FBXO11: variants seen among roughly 807,000 people sequenced by gnomAD.
FBXO11 encodes F-box protein 11.
FBXO11 carries 13 observed loss-of-function variants against 117.0 expected under a neutral mutation model. The observed-to-expected ratio is 0.11, with a 90% confidence interval of 0.07 to 0.18. The LOEUF (loss-of-function observed/expected upper bound fraction) is 0.18. Ranked by LOEUF, FBXO11 falls within the 10% of genes least tolerant of loss-of-function variation. FBXO11 has a pLI of 1.00. For synonymous variants in FBXO11, 490 were observed against 380.5 expected (o/e 1.29, Z -3.35); for missense variants, 767 against 1,164.4 (o/e 0.66, Z 4.97).
At chr2:47,862,136 G>A (rs1378920971) in intron 1 of FBXO11, among the ~76,000 whole-genome samples, 1 of 152,038 alleles carries the variant, frequency 6.6e-6, no homozygotes, top group Non-Finnish European at 1.5e-5. Context: ...GGCCAGGCTG[G>A]TCTCAAACGC....
chr2:47,879,576 G>T (rs1339280998), intron 1 of FBXO11, among the ~76,000 whole-genome samples: 1 of 152,092 alleles, frequency 6.6e-6, no homozygotes, highest in Non-Finnish European at 1.5e-5. Flanking sequence ...TCTTTGCTCG[G>T]TTTTTATGGG....
At chr2:47,903,366 G>C (rs1032785029) in intron 1 of FBXO11, among the ~76,000 whole-genome samples, 17 of 152,130 alleles carry the variant, frequency 1.1e-4, no homozygotes, top group African/African-American at 3.6e-4. Context: ...CAATTCTACA[G>C]TAAATTTCAT....
intron 1 of FBXO11, among the ~76,000 whole-genome samples, chr2:47,854,798 G>T (rs1439835776): frequency 6.6e-6 from 1 of 151,950 alleles, no homozygotes; most frequent in African/African-American, 2.4e-5. Context: ...GAGAACCATG[G>T]GAGTCAAAGA....
intron 4 of FBXO11, 116 bp downstream of exon 4, chr2:47,838,743 A>G: frequency 1.2e-6 from 1 of 862,306 alleles, no homozygotes; most frequent in Admixed American, 2.8e-5. Flanking sequence ...AAGCATTTTA[A>G]TTTTGTTCCA....
chr2:47,809,355 C>T (rs1268724996), intron 20 of FBXO11, 89 bp from the exon 21 acceptor site: 4 of 853,912 alleles, frequency 4.7e-6, no homozygotes, highest in Admixed American at 2.9e-5. Context: ...ACAGAAGAGC[C>T]ACTATTTTTA....
rs771193906 is a variant in FBXO11 at position 47,832,681 on chromosome 2, G to A, written c.1154-3C>T. 4 of 1,612,568 alleles carry A rather than the reference G, an allele frequency of 2.5e-6. No individual in the cohort carries two copies. The highest frequency in any genetic ancestry group is 1.7e-6 in the Non-Finnish European group (2 of 1,179,196). ...ACTAACACATACTGCAGAACCAACTGTAGAAAAATTATTTATTTATGTAAA... is the reference window on the plus strand; with the variant it reads ...ACTAACACATACTGCAGAACCAACTATAGAAAAATTATTTATTTATGTAAA... On this transcript the variant is annotated splice_polypyrimidine_tract_variant and splice_region_variant and intron_variant, in intron 9 of 22. Transcript: ENST00000403359.
chr2:47,884,590 T>G (rs1335958715), intron 1 of FBXO11, among the ~76,000 whole-genome samples: 1 of 152,222 alleles, frequency 6.6e-6, no homozygotes, highest in Non-Finnish European at 1.5e-5. Flanking sequence ...TCGGAAAGTA[T>G]GATTATTAAT....
At chr2:47,879,475 T>C (rs1229722261) in intron 1 of FBXO11, among the ~76,000 whole-genome samples, 3 of 152,244 alleles carry the variant, frequency 2.0e-5, no homozygotes, top group African/African-American at 7.2e-5. Flanking sequence ...ATAATCATTG[T>C]AGTTTTAACT....
intron 5 of FBXO11, 39 bp from the exon 6 acceptor site, chr2:47,834,910 A>C (rs1249677267): frequency 1.4e-6 from 2 of 1,383,752 alleles, no homozygotes; most frequent in Non-Finnish European, 2.0e-6. Context: ...TTGACTACTA[A>C]CATAAACCTT....
chr2:47,876,421 T>C (rs1295501007), intron 1 of FBXO11, among the ~76,000 whole-genome samples: 1 of 152,226 alleles, frequency 6.6e-6, no homozygotes, highest in African/African-American at 2.4e-5. Context: ...AGTACAATCT[T>C]TGGTTCTCCC....
intron 1 of FBXO11, among the ~76,000 whole-genome samples, chr2:47,904,495 T>C (rs902538720): frequency 6.6e-6 from 1 of 152,002 alleles, no homozygotes; most frequent in African/African-American, 2.4e-5. Context: ...TAGACAATGG[T>C]GGTTACCAGA....
chr2:47,895,212 G>A (rs1322874255), intron 1 of FBXO11, among the ~76,000 whole-genome samples: 1 of 152,146 alleles, frequency 6.6e-6, no homozygotes, highest in African/African-American at 2.4e-5. Flanking sequence ...AATGCTCACA[G>A]TAGCACTACT....
intron 1 of FBXO11, among the ~76,000 whole-genome samples, chr2:47,885,638 A>G (rs763321208): frequency 2.6e-5 from 4 of 152,234 alleles, no homozygotes; most frequent in Admixed American, 1.3e-4. Context: ...TTTGTAAAAG[A>G]AAAACAGCCA....
chr2:47,814,831 GCTA>G (rs1416126695), intron 16 of FBXO11, among the ~76,000 whole-genome samples: 1 of 152,130 alleles, frequency 6.6e-6, no homozygotes, highest in Non-Finnish European at 1.5e-5. Flanking sequence ...TGCCAACCCT[GCTA>G]CTACTTTATT....
At chr2:47,884,844 T>G (rs1410922310) in intron 1 of FBXO11, among the ~76,000 whole-genome samples, 1 of 152,190 alleles carries the variant, frequency 6.6e-6, no homozygotes, top group Non-Finnish European at 1.5e-5. Flanking sequence ...CTAACTCTTG[T>G]GAATTAAATT....
intron 1 of FBXO11, among the ~76,000 whole-genome samples, chr2:47,875,920 A>AAGCAGC (rs966684958): frequency 5.9e-5 from 9 of 152,166 alleles, no homozygotes; most frequent in African/African-American, 1.7e-4. Context: ...TAAAAAAGAA[A>AAGCAGC]AGCAGCAGCA....
intron 16 of FBXO11, among the ~76,000 whole-genome samples, chr2:47,815,719 A>AC (rs1367913733): frequency 6.6e-6 from 1 of 151,508 alleles, no homozygotes; most frequent in Non-Finnish European, 1.5e-5. Context: ...TGAAATTCAT[A>AC]GAGTTCTTCA....
chr2:47,812,375 A>T (rs562376229), intron 18 of FBXO11, among the ~76,000 whole-genome samples: 1 of 152,200 alleles, frequency 6.6e-6, no homozygotes, highest in African/African-American at 2.4e-5. Flanking sequence ...TTGCCAGTAA[A>T]TATCTACTCA....
rs1219756849 is a variant in FBXO11, at chr2:47,807,997, G to T, written c.*121C>A. On this transcript the variant is annotated 3_prime_UTR_variant, in exon 23 of 23. Coordinates refer to ENST00000403359, the MANE Select transcript of FBXO11 (RefSeq NM_001190274.2). ...GAGCTTCATAGTGTCAACTGACCTT[G>T]TGTATCCATTTTTAATACAGTCTCT... The T allele has an allele frequency of 5.7e-6, 5 of 875,432 alleles. No homozygotes were observed. The highest frequency in any genetic ancestry group is 8.8e-6 in the Non-Finnish European group (5 of 568,484). The allele number at this position is 875,432 out of a possible 1,614,324, so 54.2% of individuals were successfully genotyped here.
Sources: gnomAD v4.1 joint callset for allele counts (sites outside exome capture counted in the v4.1 genomes callset) on GRCh38, gnomAD v4.1.1 for gene constraint, MANE v1.5 for transcripts, NCBI Gene and HGNC (gene_info 2026-07-23, HGNC 2026-07-21) for gene names.